URAD: variants seen among roughly 807,000 people sequenced by gnomAD.
The protein encoded by URAD is putative 2-oxo-4-hydroxy-4-carboxy-5-ureidoimidazoline decarboxylase.
Under a neutral mutation model 4.6 loss-of-function variants are expected in URAD, and 4 were observed. The observed-to-expected ratio is 0.87, with a 90% CI of 0.43 to 1.98. The LOEUF is 1.98. URAD is among the 30% of genes most tolerant of loss of function. The pLI is 0.03. For missense variants in URAD, 300 were observed against 255.3 expected, an observed-to-expected ratio of 1.18 and a Z score of -1.19; for synonymous variants, 144 against 118.2, an observed-to-expected ratio of 1.22 and a Z score of -1.41.
In URAD at chr13:27,978,332, T is replaced by A; in HGVS notation, c.296A>T (p.Asp99Val). 1.4e-6 allele frequency: 2 copies of A among 1,394,756 alleles called. No individual in the cohort carries two copies. The highest frequency in any genetic ancestry group is 3.2e-5 in the South Asian group (2 of 63,160). 86.4% of individuals were successfully genotyped at this position (1,394,756 alleles called of 1,614,324 possible). A position where few individuals can be genotyped will look rare whatever the true frequency, so the allele number is the denominator to read the frequency against. The change falls in exon 2 of 2, where the codon GAC (aspartate) becomes GTC (valine). Residue 99 changes from aspartate to valine, a missense_variant. Asp to Val is a radical substitution (Grantham distance 152). Transcript: ENST00000332715. ...SGAGLRSLGA[D>V]ERLRLAELNA... is the part of the protein sequence containing the mutation. Reference sequence around the variant, plus strand: ...GAGCTCGGCCAGCCGCAGCCGCTCGTCCGCGCCCAGGCTCCTCAGGCCTGC... The same window carrying A: ...GAGCTCGGCCAGCCGCAGCCGCTCGACCGCGCCCAGGCTCCTCAGGCCTGC...
intron 1 of URAD, among the ~76,000 whole-genome samples, chr13:27,987,932 A>AGATT (rs1448670709): frequency 1.4e-5 from 2 of 140,434 alleles, no homozygotes; most frequent in Non-Finnish European, 3.1e-5. Context: ...ATAGATAGAT[A>AGATT]GATTTTTAAA....
Position 27,988,583 on chromosome 13 carries a change from C to G in URAD, c.55G>C (p.Gly19Arg). 6.2e-7 allele frequency: 1 copy of G among 1,613,824 alleles called. No individual in the cohort carries two copies. The highest frequency in any genetic ancestry group is 8.5e-7 in the Non-Finnish European group (1 of 1,179,820). ...AGAGGACATCTCTCAGTGGCATTCC[C>G]AAACACATCCACGAATTCTCCAAGG... ...MDLGEFVDVF[G>R]NATERCPLIA... The change falls in exon 1 of 2, where the codon GGG becomes CGG. Residue 19 changes from glycine (G) to arginine (R), a missense_variant. Transcript: ENST00000332715.
At chr13:27,981,011 TCTCTCTCTCTCTCTCTC>T (rs1418248093) in intron 1 of URAD, among the ~76,000 whole-genome samples, 37 of 90,436 alleles carry the variant, frequency 4.1e-4, no homozygotes, top group South Asian at 1.0e-3. Context: ...CAGTCGCTTC[TCTCTCTCTCTCTCTCTC>T]CTCTCTCTCT....
chr13:27,983,702 T>G (rs1220064327), intron 1 of URAD, among the ~76,000 whole-genome samples: 2 of 152,252 alleles, frequency 1.3e-5, no homozygotes, highest in Admixed American at 6.5e-5. Context: ...GTATTTTTAA[T>G]GTTAATCCTG....
At chr13:27,983,011 A>C (rs1869918802) in intron 1 of URAD, among the ~76,000 whole-genome samples, 1 of 152,154 alleles carries the variant, frequency 6.6e-6, no homozygotes, top group Non-Finnish European at 1.5e-5. Flanking sequence ...GGCCCCCTGC[A>C]TCTGACATAG....
chr13:27,985,846 A>G (rs77782827), intron 1 of URAD, among the ~76,000 whole-genome samples: 6,849 of 152,242 alleles, frequency 0.045, 471 homozygotes, highest in African/African-American at 0.15. Context: ...TCCTCATTTT[A>G]TAGGGATATT....
Position 27,978,245 on chromosome 13 carries a change from C to A in URAD, c.383G>T (p.Arg128Leu). Residue 128 changes from arginine (R) to leucine (L), a missense_variant, in exon 2 of 2, where the codon CGG becomes CTG. By Grantham distance (102) the Arg-to-Leu change is moderately radical (BLOSUM62 -2). Transcript: ENST00000332715. ...CGCCAGCTCGCGCGGCACCGCCGTC[C>A]GGTCGCTGAAGCGCGCGGCGAGCAC... is the stretch of plus-strand genomic sequence containing the variant. ...PFVLAARFSD[R>L]TAVPRELARR... is the part of the protein sequence containing the mutation. 6.9e-7 allele frequency: 1 copy of A among 1,455,124 alleles called. No homozygotes were observed. The highest frequency in any genetic ancestry group is 3.0e-5 in the East Asian group (1 of 33,752). The allele number at this position is 1,455,124 out of a possible 1,614,324, so 90.1% of individuals were successfully genotyped here.
intron 1 of URAD, among the ~76,000 whole-genome samples, chr13:27,984,841 T>A (rs557962812): frequency 5.7e-4 from 87 of 152,180 alleles, no homozygotes; most frequent in African/African-American, 1.9e-3. Flanking sequence ...TAGCCGGGCA[T>A]GGTGGTGTGT....
At chr13:27,980,857 C>T (rs1324625246) in intron 1 of URAD, among the ~76,000 whole-genome samples, 3 of 151,876 alleles carry the variant, frequency 2.0e-5, no homozygotes, top group Admixed American at 6.6e-5. Context: ...TTGGAAACGT[C>T]GCCCGGGGTT....
intron 1 of URAD, among the ~76,000 whole-genome samples, chr13:27,986,708 T>C (rs1870038694): frequency 6.8e-6 from 1 of 146,742 alleles, no homozygotes; most frequent in African/African-American, 2.5e-5. Flanking sequence ...GATATGCCTC[T>C]CTTTTTTTTT....
chr13:27,987,641 T>C (rs1870067275), intron 1 of URAD, among the ~76,000 whole-genome samples: 1 of 152,168 alleles, frequency 6.6e-6, no homozygotes, highest in Non-Finnish European at 1.5e-5. Context: ...TAAGACAGGG[T>C]GGGCCCTCAG....
At chr13:27,985,924 G>T (rs1306904035) in intron 1 of URAD, among the ~76,000 whole-genome samples, 1 of 152,202 alleles carries the variant, frequency 6.6e-6, no homozygotes, top group Admixed American at 6.5e-5. Context: ...AGTAGTAAAA[G>T]TTCAATACAT....
chr13:27,980,490 GC>G (rs761928346), intron 1 of URAD, among the ~76,000 whole-genome samples: 54 of 152,356 alleles, frequency 3.5e-4, no homozygotes, highest in Non-Finnish European at 7.2e-4. Context: ...ACGGTAACCT[GC>G]CCGGGCTGCG....
rs1426024005 is a variant in URAD, at chr13:27,978,258, G to A, written c.370C>T (p.Arg124Cys). Reference sequence around the variant, plus strand: ...GGCACCGCCGTCCGGTCGCTGAAGCGCGCGGCGAGCACGAAGGGGAAACCG... The same window carrying A: ...GGCACCGCCGTCCGGTCGCTGAAGCACGCGGCGAGCACGAAGGGGAAACCG... ...RFGFPFVLAA[R>C]FSDRTAVPRE... is the part of the protein sequence containing the mutation. Residue 124 changes from arginine (R) to cysteine (C), a missense_variant, in exon 2 of 2, where the codon CGC (arginine) becomes TGC (cysteine). Arg to Cys is a radical substitution (Grantham distance 180). Transcript: ENST00000332715. 2.8e-6 allele frequency: 4 copies of A among 1,441,358 alleles called. No individual in the cohort carries two copies. The South Asian group carries it at 5.6e-5, about 20-fold the overall frequency. The allele number at this position is 1,441,358 out of a possible 1,614,324, so 89.3% of individuals were successfully genotyped here.
chr13:27,978,052 C>A lies in URAD; in HGVS notation c.*54G>T. On this transcript the variant is annotated 3_prime_UTR_variant, in exon 2 of 2. Coordinates refer to ENST00000332715, the MANE Select transcript of URAD (RefSeq NM_001105577.2). ...CCCGCCCAGGACGCACAGCTCCGGGCCGTGGCCCCCGCGCGTCCGGTTGTG... is the reference window on the plus strand; with the variant it reads ...CCCGCCCAGGACGCACAGCTCCGGGACGTGGCCCCCGCGCGTCCGGTTGTG... 7.3e-7 allele frequency: 1 copy of A among 1,377,000 alleles called. No homozygotes were observed. The highest frequency in any genetic ancestry group is 9.4e-7 in the Non-Finnish European group (1 of 1,067,032). 85.3% of individuals were successfully genotyped at this position (1,377,000 alleles called of 1,614,324 possible).
In URAD at chr13:27,978,277, G is replaced by A. The variant is rs1229837366; in HGVS notation, c.351C>T (p.Phe117=). 18 of 1,425,444 alleles carry A rather than the reference G, an allele frequency of 1.3e-5. No individual in the cohort carries two copies. In the East Asian group the frequency reaches 4.8e-4, roughly 38 times the overall value. 88.3% of individuals were successfully genotyped at this position (1,425,444 alleles called of 1,614,324 possible). The change falls in exon 2 of 2, where the codon TTC becomes TTT. Residue 117 remains phenylalanine (F), a synonymous_variant. Coordinates refer to ENST00000332715, the MANE Select transcript of URAD (RefSeq NM_001105577.2). The part of the protein sequence containing the change: ...LNAQYRARFG[F]PFVLAARFSD... Reference sequence around the variant, plus strand: ...TGAAGCGCGCGGCGAGCACGAAGGGGAAACCGAAGCGCGCGCGGTACTGCG... The same window carrying A: ...TGAAGCGCGCGGCGAGCACGAAGGGAAAACCGAAGCGCGCGCGGTACTGCG...
chr13:27,981,466 T>C (rs1455525490), intron 1 of URAD, among the ~76,000 whole-genome samples: 1 of 152,168 alleles, frequency 6.6e-6, no homozygotes. Context: ...TCCTAAGCAT[T>C]GGTGTGTCAC....
chr13:27,980,796 C>T (rs887054523), intron 1 of URAD, among the ~76,000 whole-genome samples: 2 of 152,104 alleles, frequency 1.3e-5, no homozygotes, highest in African/African-American at 2.4e-5. Flanking sequence ...CCCCTTCTTG[C>T]CCTTGGTGCC....
intron 1 of URAD, among the ~76,000 whole-genome samples, chr13:27,979,030 A>T (rs1362656203): frequency 2.0e-5 from 3 of 152,096 alleles, no homozygotes; most frequent in Non-Finnish European, 4.4e-5. Context: ...CTCGGCAAAT[A>T]AATGCCCTGG....
Sources: gnomAD v4.1 joint callset for allele counts (sites outside exome capture counted in the v4.1 genomes callset) on GRCh38, gnomAD v4.1.1 for gene constraint, MANE v1.5 for transcripts, NCBI Gene and HGNC (gene_info 2026-07-23, HGNC 2026-07-21) for gene names.